Variants in EPS15 observed in about 807,000 individuals in gnomAD.
The protein encoded by EPS15 is epidermal growth factor receptor substrate 15.
EPS15 carries 72 observed loss-of-function variants against 113.8 expected under a neutral mutation model. The ratio of observed to expected loss-of-function variants is 0.63; its 90% CI spans 0.52 to 0.77. The LOEUF (loss-of-function observed/expected upper bound fraction) is 0.77, where lower values mean the gene tolerates loss of function less well. Ranked by LOEUF, EPS15 falls within the 30% of genes least tolerant of loss-of-function variation. The pLI is 0.00. For synonymous variants in EPS15, 344 were observed against 363.4 expected, an observed-to-expected ratio of 0.95 and a Z score of 0.61; for missense variants, 1,048 against 1,045.8, an observed-to-expected ratio of 1.00 and a Z score of -0.03.
Position 51,446,984 on chromosome 1 carries a change from G to A in EPS15, c.773C>T (p.Pro258Leu), listed in dbSNP as rs570801912. Reference protein sequence around the residue: ...VREIFLKTGLPSTLLAHIWSL... With the variant: ...VREIFLKTGLLSTLLAHIWSL... The stretch of plus-strand genomic sequence containing the variant: ...CCATATATGGGCTAGTAAGGTAGAA[G>A]GTAAACCTGTTTTCAAGAATATTTC... The change falls in exon 10 of 25, where the codon CCT becomes CTT. Residue 258 changes from proline to leucine, a missense_variant. Pro to Leu is a moderately conservative substitution (Grantham distance 98, BLOSUM62 -3). Coordinates refer to ENST00000371733, the MANE Select transcript of EPS15 (RefSeq NM_001981.3). The A allele has an allele frequency of 6.2e-7, 1 of 1,612,996 alleles. No individual in the cohort carries two copies. Among genetic ancestry groups the A allele is most frequent in the South Asian group, 1.1e-5 (1 of 91,006 alleles).
chr1:51,465,634 A>T (rs1477773149), intron 5 of EPS15, among the ~76,000 whole-genome samples: 2 of 152,070 alleles, frequency 1.3e-5, no homozygotes, highest in African/African-American at 4.8e-5. Flanking sequence ...CCTGGGTTCA[A>T]GCGATTCTCC....
At chr1:51,449,567 C>T (rs1653363771) in intron 8 of EPS15, among the ~76,000 whole-genome samples, 1 of 149,352 alleles carries the variant, frequency 6.7e-6, no homozygotes, top group Non-Finnish European at 1.5e-5. Flanking sequence ...ACCCCTGAAC[C>T]TAAAATAAGA....
At chr1:51,388,899 A>G (rs998267015) in intron 21 of EPS15, among the ~76,000 whole-genome samples, 282 of 151,772 alleles carry the variant, frequency 1.9e-3, no homozygotes, top group African/African-American at 6.7e-3. Context: ...ACAAGGAGGA[A>G]CTGGTACCAT....
intron 12 of EPS15, among the ~76,000 whole-genome samples, chr1:51,438,734 C>A (rs1652353082): frequency 6.6e-6 from 1 of 152,130 alleles, no homozygotes; most frequent in Admixed American, 6.5e-5. Context: ...TTTACTACTT[C>A]TATTTTGCAA....
rs770490796 is a variant in EPS15, at chr1:51,508,238, G to GAAAAGAAAAGAAAAGAAAAGA, written c.33+10960_33+10961insTCTTTTCTTTTCTTTTCTTTT. 5.6e-3 allele frequency among the ~76,000 whole-genome samples: 361 copies of GAAAAGAAAAGAAAAGAAAAGA among 64,602 alleles called. 5 individuals are homozygous for GAAAAGAAAAGAAAAGAAAAGA. The highest frequency in any genetic ancestry group is 7.0e-3 in the Non-Finnish European group (193 of 27,428). The allele number at this position is 64,602 out of a possible 152,430, so 42.4% of individuals were successfully genotyped here. A position where few individuals can be genotyped will look rare whatever the true frequency, so the allele number is the denominator to read the frequency against. On this transcript the variant is annotated intron_variant, in intron 1 of 24. Coordinates refer to ENST00000371733, the MANE Select transcript of EPS15 (RefSeq NM_001981.3). ...GAAAAGAAAAGAAAAGAAAAGAAAA[G>GAAAAGAAAAGAAAAGAAAAGA]AAAGAGAGAAAGAGAGAGAGAGAGA...
intron 12 of EPS15, among the ~76,000 whole-genome samples, chr1:51,425,606 G>A (rs981619183): frequency 6.6e-6 from 1 of 152,166 alleles, no homozygotes; most frequent in African/African-American, 2.4e-5. Context: ...TTCTCTTGGA[G>A]TACATTTCAC....
Position 51,493,229 on chromosome 1 carries a change from T to C in EPS15, c.34-11915A>G, listed in dbSNP as rs527296599. On this transcript the variant is annotated intron_variant, in intron 1 of 24. Coordinates refer to ENST00000371733, the MANE Select transcript of EPS15 (RefSeq NM_001981.3). The stretch of plus-strand genomic sequence containing the variant: ...ACAAAAAATTAGCCAGACGTGGTGG[T>C]GGGCGCCTGTAGTCCCAGCTACTCG... Among the ~76,000 whole-genome samples, 24 of 152,214 alleles carry C rather than the reference T, an allele frequency of 1.6e-4. No individual in the cohort carries two copies. In the East Asian group the frequency reaches 2.7e-3, roughly 17 times the overall value.
rs752783985 is a variant in EPS15 at position 51,403,453 on chromosome 1, C to A, written c.1757G>T (p.Cys586Phe). ...EVTTAVTEKV[C>F]SELDNNRHSK... is the part of the protein sequence containing the mutation. ...ATGTCTATTATTGTCGAGTTCAGAA[C>A]AAACTTTTTCAGTAACAGCTGTAGT... Residue 586 changes from cysteine (C) to phenylalanine (F), a missense_variant, in exon 17 of 25, where the codon TGT (cysteine) becomes TTT (phenylalanine). By Grantham distance (205) the Cys-to-Phe change is radical. Coordinates refer to ENST00000371733, the MANE Select transcript of EPS15 (RefSeq NM_001981.3). The A allele has an allele frequency of 6.2e-7, 1 of 1,610,924 alleles. No individual in the cohort carries two copies. Among genetic ancestry groups the A allele is most frequent in the African/African-American group, 1.3e-5 (1 of 74,794 alleles).
At chr1:51,429,343 G>A (rs1362716892) in intron 12 of EPS15, among the ~76,000 whole-genome samples, 8 of 150,306 alleles carry the variant, frequency 5.3e-5, no homozygotes, top group African/African-American at 1.7e-4. Flanking sequence ...GTGAAACTCT[G>A]TCTCAAAAAA....
At chr1:51,436,829 G>A (rs1330047632) in intron 12 of EPS15, among the ~76,000 whole-genome samples, 1 of 152,136 alleles carries the variant, frequency 6.6e-6, no homozygotes, top group Non-Finnish European at 1.5e-5. Context: ...GAATGGTGAT[G>A]TCACTGAGAA....
intron 12 of EPS15, among the ~76,000 whole-genome samples, chr1:51,434,982 AT>A (rs1460314650): frequency 4.0e-5 from 6 of 151,572 alleles, no homozygotes; most frequent in Admixed American, 3.9e-4. Context: ...ATGTGAATAT[AT>A]TTCATACCAC....
chr1:51,383,608 A>T (rs1646990493), intron 21 of EPS15, among the ~76,000 whole-genome samples: 1 of 152,226 alleles, frequency 6.6e-6, no homozygotes, highest in Non-Finnish European at 1.5e-5. Flanking sequence ...AGCGGAGCTC[A>T]GGCATTAGGT....
intron 1 of EPS15, among the ~76,000 whole-genome samples, chr1:51,488,472 TAAAAA>T (rs71063033): frequency 3.5e-5 from 3 of 85,302 alleles, no homozygotes; most frequent in Admixed American, 1.3e-4. Context: ...TAAAGTTTTG[TAAAAA>T]AAAAAAAAAA....
intron 13 of EPS15, 97 bp downstream of exon 13, chr1:51,421,689 A>G: frequency 1.6e-6 from 1 of 615,766 alleles, no homozygotes; most frequent in East Asian, 2.9e-5. Flanking sequence ...CATTCTCTTG[A>G]CCTAATACTA....
chr1:51,508,352 G>GAAAGAA (rs1364509337), intron 1 of EPS15, among the ~76,000 whole-genome samples: 3 of 146,016 alleles, frequency 2.1e-5, no homozygotes, highest in Non-Finnish European at 4.5e-5. Flanking sequence ...AAGAAAGAAA[G>GAAAGAA]AAAGAAAGAA....
In EPS15 at chr1:51,475,962, G is replaced by C. The variant is rs372738047; in HGVS notation, c.76-3014C>G. Among the ~76,000 whole-genome samples the C allele has an allele frequency of 2.0e-5, 3 of 152,150 alleles. No individual in the cohort carries two copies. The East Asian group carries it at 5.8e-4, about 29-fold the overall frequency. ...AATCCTTTCCCCATTTCTTGTTTTT[G>C]TCAGGTTTGTCAAAGATCAGATGAC... On this transcript the variant is annotated intron_variant, in intron 2 of 24. Coordinates refer to ENST00000371733, the MANE Select transcript of EPS15 (RefSeq NM_001981.3).
intron 11 of EPS15, among the ~76,000 whole-genome samples, 161 bp from the exon 12 acceptor site, chr1:51,440,593 T>C (rs895928368): frequency 2.0e-5 from 3 of 151,992 alleles, no homozygotes; most frequent in Admixed American, 6.6e-5. Context: ...CAATTATATA[T>C]AATTTTATAC....
intron 1 of EPS15, among the ~76,000 whole-genome samples, chr1:51,496,799 C>T (rs919916956): frequency 2.0e-5 from 3 of 152,202 alleles, no homozygotes; most frequent in Admixed American, 1.3e-4. Flanking sequence ...ACTTGAGTAA[C>T]AGTCACTGGA....
At chr1:51,472,702 C>T (rs145553874) in intron 3 of EPS15, among the ~76,000 whole-genome samples, 157 bp downstream of exon 3, 451 of 152,310 alleles carry the variant, frequency 3.0e-3, no homozygotes, top group Non-Finnish European at 4.7e-3. Context: ...TAAATCACTA[C>T]GCTACAAATT....
Sources: gnomAD v4.1 joint callset for allele counts (sites outside exome capture counted in the v4.1 genomes callset) on GRCh38, gnomAD v4.1.1 for gene constraint, MANE v1.5 for transcripts, NCBI Gene and HGNC (gene_info 2026-07-23, HGNC 2026-07-21) for gene names.